RNMT: variants seen among roughly 807,000 people sequenced by gnomAD.
The protein encoded by RNMT is RNA guanine-7 methyltransferase.
RNMT carries 27 observed loss-of-function variants against 56.0 expected under a neutral mutation model. The observed-to-expected ratio is 0.48, with a 90% confidence interval of 0.36 to 0.67. The LOEUF is 0.67. Ranked by LOEUF, RNMT falls within the 30% of genes least tolerant of loss-of-function variation. The pLI is 0.00. For synonymous variants in RNMT, 184 were observed against 176.2 expected (o/e 1.04, Z -0.35); for missense variants, 519 against 552.1 (o/e 0.94, Z 0.60).
chr18:13,753,027 A>G (rs780088065), intron 10 of RNMT, among the ~76,000 whole-genome samples: 3 of 152,212 alleles, frequency 2.0e-5, no homozygotes, highest in Non-Finnish European at 2.9e-5. Context: ...ATATTTTGAT[A>G]GCTACATAAA....
intron 4 of RNMT, among the ~76,000 whole-genome samples, chr18:13,735,027 C>T (rs1269570097): frequency 6.6e-6 from 1 of 152,028 alleles, no homozygotes; most frequent in Non-Finnish European, 1.5e-5. Flanking sequence ...TCTATGGAAA[C>T]TCACCTTTGA....
intron 8 of RNMT, among the ~76,000 whole-genome samples, chr18:13,745,399 C>G (rs1327676011): frequency 2.0e-5 from 3 of 152,086 alleles, no homozygotes; most frequent in African/African-American, 7.2e-5. Context: ...GTGCCAAATG[C>G]AGGAGGTAAG....
chr18:13,760,153 T>C lies in RNMT; in HGVS notation c.*174T>C, dbSNP rs1158227204. On this transcript the variant is annotated 3_prime_UTR_variant, in exon 12 of 12. Transcript: ENST00000383314. ...TTTGCTGTCTGTGACAGATGAACTT[T>C]TGCATGTGTATATAAGAATGAGTTG... is the stretch of plus-strand genomic sequence containing the variant. 8.2e-6 allele frequency: 11 copies of C among 1,340,668 alleles called. No homozygotes were observed. The African/African-American group carries it at 1.2e-4, about 14-fold the overall frequency. 83.0% of individuals were successfully genotyped at this position (1,340,668 alleles called of 1,614,324 possible).
At position 13,731,500 on chromosome 18, in the gene RNMT, C is replaced by A; in HGVS notation, c.-18C>A. 1 of 1,562,790 alleles carries A rather than the reference C, an allele frequency of 6.4e-7. No individual in the cohort carries two copies. Among genetic ancestry groups the A allele is most frequent in the Non-Finnish European group, 8.7e-7 (1 of 1,156,044 alleles). ...GTGTTGGTTCATGAAGTTTTACCAT[C>A]AATTCAAGTAATCATAAATGGCAAA... On this transcript the variant is annotated 5_prime_UTR_variant, in exon 3 of 12. Coordinates refer to ENST00000383314, the MANE Select transcript of RNMT (RefSeq NM_003799.3).
chr18:13,742,337 TAAA>T (rs34718591), intron 7 of RNMT, 148 bp from the exon 8 acceptor site: 551 of 500,046 alleles, frequency 1.1e-3, no homozygotes, highest in East Asian at 1.3e-3. Context: ...CTTGTCACTT[TAAA>T]AAAAAAAAAA....
Position 13,741,612 on chromosome 18 carries a change from A to C in RNMT, c.895A>C (p.Met299Leu). 1.9e-6 allele frequency: 3 copies of C among 1,614,098 alleles called. No individual in the cohort carries two copies. Among genetic ancestry groups the C allele is most frequent in the Non-Finnish European group, 2.5e-6 (3 of 1,179,930 alleles). ...YSFESYEQAD[M>L]MLRNACERLS... ...ATTTGAGTCTTATGAGCAGGCTGAC[A>C]TGATGCTGAGAAATGCGTGTGAGAG... Residue 299 changes from methionine to leucine, a missense_variant, in exon 7 of 12, where the codon ATG (methionine) becomes CTG (leucine). Coordinates refer to ENST00000383314, the MANE Select transcript of RNMT (RefSeq NM_003799.3).
Position 13,764,222 on chromosome 18 carries a change from T to G in RNMT, c.*4243T>G. The G allele has an allele frequency of 6.6e-6, 1 of 152,196 alleles. No homozygotes were observed. Among genetic ancestry groups the G allele is most frequent in the East Asian group, 1.9e-4 (1 of 5,192 alleles). The allele number at this position is 152,196 out of a possible 1,614,324, so 9.4% of individuals were successfully genotyped here. On this transcript the variant is annotated 3_prime_UTR_variant, in exon 12 of 12. Coordinates refer to ENST00000383314, the MANE Select transcript of RNMT (RefSeq NM_003799.3). The stretch of plus-strand genomic sequence containing the variant: ...CCAGACAGAGGCAAATCATTTTGTT[T>G]AACTTTTTATTAAAGTGTAACTATA...
At position 13,760,364 on chromosome 18, in the gene RNMT, G is replaced by C. The variant is rs897919597; in HGVS notation, c.*385G>C. 5.0e-6 allele frequency: 5 copies of C among 999,656 alleles called. No homozygotes were observed. The African/African-American group carries it at 6.9e-5, about 14-fold the overall frequency. The allele number at this position is 999,656 out of a possible 1,614,324, so 61.9% of individuals were successfully genotyped here. ...TTGCAGTTATAGAATTGGTCAGAGA[G>C]CATTTTCATAGTGTGCTCATTTCTA... On this transcript the variant is annotated 3_prime_UTR_variant, in exon 12 of 12. Coordinates refer to ENST00000383314, the MANE Select transcript of RNMT (RefSeq NM_003799.3).
rs2149111216 is a variant in RNMT at position 13,760,935 on chromosome 18, T to C, written c.*956T>C. ...AGTTGTCACTTGTGTAACTGACTGC[T>C]TTTCCAAAACTGGTACTTATGTGAA... is the stretch of plus-strand genomic sequence containing the variant. On this transcript the variant is annotated 3_prime_UTR_variant, in exon 12 of 12. Coordinates refer to ENST00000383314, the MANE Select transcript of RNMT (RefSeq NM_003799.3). 1.0e-6 allele frequency: 1 copy of C among 985,452 alleles called. No individual in the cohort carries two copies. Among genetic ancestry groups the C allele is most frequent in the South Asian group, 4.7e-5 (1 of 21,288 alleles). 61.0% of individuals were successfully genotyped at this position (985,452 alleles called of 1,614,324 possible).
intron 10 of RNMT, among the ~76,000 whole-genome samples, chr18:13,752,999 A>G (rs2044477130): frequency 6.6e-6 from 1 of 152,226 alleles, no homozygotes. Flanking sequence ...GGTGTGTGCA[A>G]AGCAACACAT....
intron 8 of RNMT, among the ~76,000 whole-genome samples, chr18:13,745,765 GA>G (rs200194181): frequency 0.12 from 17,674 of 143,452 alleles, 1,116 homozygotes; most frequent in South Asian, 0.16. Context: ...AAGTGAAAAG[GA>G]AAAAAAAAAA....
At chr18:13,728,200 A>G (rs1031172043) in intron 1 of RNMT, among the ~76,000 whole-genome samples, 12 of 150,322 alleles carry the variant, frequency 8.0e-5, no homozygotes, top group African/African-American at 2.9e-4. Flanking sequence ...CCTCCATCAT[A>G]CTTTTCCCAG....
chr18:13,742,954 C>A, intron 8 of RNMT: 1 of 203,948 alleles, frequency 4.9e-6, no homozygotes, highest in Non-Finnish European at 9.6e-6. Context: ...AAATGCCTGA[C>A]ACTGCAAATA....
Position 13,731,713 on chromosome 18 carries a change from C to T in RNMT, c.196C>T (p.Leu66Phe), listed in dbSNP as rs771154316. ...AAAGAGAAAAGAGTTTGAAGATGAT[C>T]TTGTAAAGGAAAGTTCTAGTTGTGG... ...ARKRKEFEDD[L>F]VKESSSCGKD... Residue 66 changes from leucine to phenylalanine, a missense_variant, in exon 3 of 12, where the codon CTT becomes TTT. Physicochemically the swap from Leu to Phe is conservative, Grantham distance 22 (BLOSUM62 0). Coordinates refer to ENST00000383314, the MANE Select transcript of RNMT (RefSeq NM_003799.3). The T allele has an allele frequency of 1.2e-6, 2 of 1,613,228 alleles. No homozygotes were observed. Among genetic ancestry groups the T allele is most frequent in the Admixed American group, 1.7e-5 (1 of 59,784 alleles).
chr18:13,737,570 T>C (rs1225128216), intron 5 of RNMT, among the ~76,000 whole-genome samples: 3 of 151,998 alleles, frequency 2.0e-5, no homozygotes, highest in African/African-American at 7.3e-5. Context: ...TTACAAGACT[T>C]TCCTGATAGT....
chr18:13,743,346 A>G, intron 8 of RNMT, among the ~76,000 whole-genome samples: 1 of 147,594 alleles, frequency 6.8e-6, no homozygotes, highest in Non-Finnish European at 1.5e-5. Flanking sequence ...ATAAATAAAT[A>G]AATAAATAAA....
At chr18:13,744,013 A>G (rs528277401) in intron 8 of RNMT, among the ~76,000 whole-genome samples, 5 of 152,168 alleles carry the variant, frequency 3.3e-5, no homozygotes, top group African/African-American at 1.2e-4. Flanking sequence ...ACTTTATTTA[A>G]AAAAGAACTT....
intron 9 of RNMT, among the ~76,000 whole-genome samples, chr18:13,751,704 AC>A (rs140338883): frequency 0.033 from 5,032 of 152,348 alleles, 116 homozygotes; most frequent in Middle Eastern, 0.068. Flanking sequence ...AGTAGCAGAG[AC>A]ATGAAACCAA....
intron 9 of RNMT, among the ~76,000 whole-genome samples, chr18:13,748,411 GAGTT>G (rs1330296775): frequency 1.3e-5 from 2 of 152,224 alleles, no homozygotes; most frequent in Non-Finnish European, 2.9e-5. Flanking sequence ...GACCAGATAA[GAGTT>G]AGGACACTAC....
Sources: gnomAD v4.1 joint callset for allele counts (sites outside exome capture counted in the v4.1 genomes callset) on GRCh38, gnomAD v4.1.1 for gene constraint, MANE v1.5 for transcripts, NCBI Gene and HGNC (gene_info 2026-07-23, HGNC 2026-07-21) for gene names.